The following SLC25A41 variants were observed in gnomAD, a reference collection of about 807,000 sequenced individuals.
The protein encoded by SLC25A41 is mitochondrial carrier protein SCaMC-3L.
A neutral mutation model predicts 34.7 loss-of-function variants in SLC25A41; 35 were observed. The ratio of observed to expected loss-of-function variants is 1.01; its 90% CI spans 0.77 to 1.34. SLC25A41 has a LOEUF of 1.34. Among genes scored for constraint, SLC25A41 ranks in the 40% most tolerant of loss-of-function variants. The pLI is 0.00. For synonymous variants in SLC25A41, 190 were observed against 209.9 expected (o/e 0.91, Z 0.82); for missense variants, 492 against 489.8 (o/e 1.00, Z -0.04).
Position 6,427,488 on chromosome 19 carries a change from C to A in SLC25A41, c.638G>T (p.Arg213Leu). Residue 213 changes from arginine (R) to leucine (L), a missense_variant, in exon 5 of 7, where the codon CGG becomes CTG. By Grantham distance (102) the Arg-to-Leu change is moderately radical. Coordinates refer to ENST00000321510, the MANE Select transcript of SLC25A41 (RefSeq NM_173637.4). The surrounding 1 kb of genome is among the most constrained non-coding windows in gnomAD (Gnocchi z 4.9). ...CTGGCCCGTCCGACGCAAGGTCAAC[C>A]GCGTCTTCAGCACCTGAGGATGGCG... is the stretch of plus-strand genomic sequence containing the variant. The part of the protein sequence containing the change: ...LINPMEVLKT[R>L]LTLRRTGQYK... 1 of 1,546,192 alleles carries A rather than the reference C, an allele frequency of 6.5e-7. No individual in the cohort carries two copies. Among genetic ancestry groups the A allele is most frequent in the Non-Finnish European group, 8.8e-7 (1 of 1,140,450 alleles).
Position 6,426,243 on chromosome 19 carries a change from G to C in SLC25A41, c.*146C>G. On this transcript the variant is annotated 3_prime_UTR_variant, in exon 7 of 7. Transcript: ENST00000321510. ...CCAGCTTCAGGAATCTTCTGACCCA[G>C]AGCCCCACCCCCACCCCCAGCCTGC... 5 of 573,250 alleles carry C rather than the reference G, an allele frequency of 8.7e-6. No individual in the cohort carries two copies. Among genetic ancestry groups the C allele is most frequent in the Admixed American group, 7.9e-5 (2 of 25,234 alleles). The allele number at this position is 573,250 out of a possible 1,614,324, so 35.5% of individuals were successfully genotyped here. A position where few individuals can be genotyped will look rare whatever the true frequency, so the allele number is the denominator to read the frequency against.
At chr19:6,432,502 T>A (rs1223137312) in intron 1 of SLC25A41, among the ~76,000 whole-genome samples, 1 of 110,748 alleles carries the variant, frequency 9.0e-6, no homozygotes, top group African/African-American at 3.3e-5. Context: ...TTTTTTTTTT[T>A]AGTAGAGATG....
In SLC25A41 at chr19:6,429,936, A is replaced by AT. The variant is rs2145144326; in HGVS notation, c.516+72_516+73insA. The AT allele has an allele frequency of 1.9e-6, 3 of 1,592,284 alleles. No homozygotes were observed. In the South Asian group the frequency reaches 3.4e-5, roughly 18 times the overall value. On this transcript the variant is annotated intron_variant, in intron 3 of 6. Coordinates refer to ENST00000321510, the MANE Select transcript of SLC25A41 (RefSeq NM_173637.4). ...CTGGAGGGTGAGTGTGTGCTTGAAC[A>AT]AGGGCCTGGAGTTTTGGGGGCATGG...
rs765657319 is a variant in SLC25A41, at chr19:6,433,545, T to C, written c.149A>G (p.Tyr50Cys). ...ATGCATGTGGCCAAACGCGTACCCATACACGTGTGTACAGCCAGGGTTCCA... is the reference window on the plus strand; with the variant it reads ...ATGCATGTGGCCAAACGCGTACCCACACACGTGTGTACAGCCAGGGTTCCA... Reference protein sequence around the residue: ...PSWNPGCTHVYGYAFGHMHDN... With the variant: ...PSWNPGCTHVCGYAFGHMHDN... Residue 50 changes from tyrosine (Y) to cysteine (C), a missense_variant, in exon 1 of 7, where the codon TAT becomes TGT. Tyr to Cys is a radical substitution (Grantham distance 194). Transcript: ENST00000321510. 1.2e-5 allele frequency: 19 copies of C among 1,612,488 alleles called. No homozygotes were observed. The Admixed American group carries it at 3.0e-4, about 26-fold the overall frequency.
chr19:6,432,966 C>G (rs1245734980), intron 1 of SLC25A41, among the ~76,000 whole-genome samples: 1 of 151,792 alleles, frequency 6.6e-6, no homozygotes, highest in Non-Finnish European at 1.5e-5. Flanking sequence ...CCACACCCAG[C>G]CAATGTAATA....
At position 6,427,321 on chromosome 19, in the gene SLC25A41, G is replaced by T. The variant is rs768516500; in HGVS notation, c.792+13C>A. 6.2e-7 allele frequency: 1 copy of T among 1,606,168 alleles called. No individual in the cohort carries two copies. The highest frequency in any genetic ancestry group is 8.5e-7 in the Non-Finnish European group (1 of 1,175,232). On this transcript the variant is annotated intron_variant, in intron 5 of 6. Transcript: ENST00000321510. This position sits in a 1 kb window ranked among gnomAD's most constrained non-coding sequence, Gnocchi z 4.9. ...TCCGGCCAGCCCTGCCACCCCCTCTGCAGGACCCATACCTCATAGACAGCC... is the reference window on the plus strand; with the variant it reads ...TCCGGCCAGCCCTGCCACCCCCTCTTCAGGACCCATACCTCATAGACAGCC...
In SLC25A41 at chr19:6,430,453, TTCCC is replaced by T. The variant is rs796541701; in HGVS notation, c.364-296_364-293del. 199 of 466,978 alleles carry T rather than the reference TTCCC, an allele frequency of 4.3e-4. 1 individual carries two copies. The highest frequency in any genetic ancestry group is 2.2e-3 in the African/African-American group (108 of 48,644). 28.9% of individuals were successfully genotyped at this position (466,978 alleles called of 1,614,324 possible). On this transcript the variant is annotated intron_variant, in intron 2 of 6. Transcript: ENST00000321510. Reference sequence around the variant, plus strand: ...CCTTTCCTTTCTTTCTCCCTTTTTGTTCCCTCCCTCCCTCCCTTCCTCCGTTCCT... The same window carrying T: ...CCTTTCCTTTCTTTCTCCCTTTTTGTTCCCTCCCTCCCTTCCTCCGTTCCT...
At chr19:6,429,588 C>T (rs1243135993) in intron 4 of SLC25A41, 136 bp downstream of exon 4, 44 of 375,272 alleles carry the variant, frequency 1.2e-4, no homozygotes, top group African/African-American at 2.4e-4. Context: ...AAGAGGTGAA[C>T]GGGGAGGAGG....
Position 6,426,508 on chromosome 19 carries a change from C to T in SLC25A41, c.994G>A (p.Ala332Thr). The change falls in exon 7 of 7, where the codon GCC becomes ACC. Residue 332 changes from alanine to threonine, a missense_variant. Physicochemically the swap from Ala to Thr is moderately conservative, Grantham distance 58. Coordinates refer to ENST00000321510, the MANE Select transcript of SLC25A41 (RefSeq NM_173637.4). Reference sequence around the variant, plus strand: ...TACAGCCCTAGCCAGCCCTGCTGGGCCAGGATCCGCTGGAGGACTCCGCGC... The same window carrying T: ...TACAGCCCTAGCCAGCCCTGCTGGGTCAGGATCCGCTGGAGGACTCCGCGC... ...TMRGVLQRIL[A>T]QQGWLGLYRG... The T allele has an allele frequency of 6.2e-7, 1 of 1,613,514 alleles. No individual in the cohort carries two copies. The highest frequency in any genetic ancestry group is 2.2e-5 in the East Asian group (1 of 44,882).
At position 6,429,187 on chromosome 19, in the gene SLC25A41, T is replaced by A. The variant is rs998986178; in HGVS notation, c.624+537A>T. 8.1e-4 allele frequency among the ~76,000 whole-genome samples: 50 copies of A among 61,492 alleles called. 1 individual carries two copies. Among genetic ancestry groups the A allele is most frequent in the South Asian group, 2.8e-3 (5 of 1,780 alleles). 40.3% of individuals were successfully genotyped at this position (61,492 alleles called of 152,430 possible). ...ATAATATATATATAATATATATATG[T>A]TATATATATAATATATATGTTGTAT... On this transcript the variant is annotated intron_variant, in intron 4 of 6. Coordinates refer to ENST00000321510, the MANE Select transcript of SLC25A41 (RefSeq NM_173637.4).
At chr19:6,433,937 AATT>A (rs1416714332), upstream of SLC25A41, among the ~76,000 whole-genome samples, 2 of 151,966 alleles carry the variant, frequency 1.3e-5, no homozygotes, top group East Asian at 1.9e-4. Context: ...GTCCTGTCAA[AATT>A]ATTATTATTA....
At chr19:6,432,711 T>A (rs2092291531) in intron 1 of SLC25A41, among the ~76,000 whole-genome samples, 1 of 151,418 alleles carries the variant, frequency 6.6e-6, no homozygotes, top group African/African-American at 2.4e-5. Flanking sequence ...GTGTCTCAGC[T>A]TCCCAAGTAG....
Position 6,432,473 on chromosome 19 carries a change from A to ATT in SLC25A41, c.208-271_208-270dup, listed in dbSNP as rs34519561. On this transcript the variant is annotated intron_variant, in intron 1 of 6. Coordinates refer to ENST00000321510, the MANE Select transcript of SLC25A41 (RefSeq NM_173637.4). ...TTATAGGCATGCACCACAACACCTA[A>ATT]TTTTTTTTTTTTTTTTTTTTTTTTT... 2.3e-3 allele frequency among the ~76,000 whole-genome samples: 188 copies of ATT among 80,988 alleles called. 2 individuals are homozygous for ATT. The highest frequency in any genetic ancestry group is 8.3e-3 in the African/African-American group (152 of 18,402). The allele number at this position is 80,988 out of a possible 152,430, so 53.1% of individuals were successfully genotyped here. A position where few individuals can be genotyped will look rare whatever the true frequency, so the allele number is the denominator to read the frequency against.
intron 4 of SLC25A41, among the ~76,000 whole-genome samples, chr19:6,429,048 ATTATATATATGTT>A (rs1288837822): frequency 7.9e-5 from 3 of 38,166 alleles, no homozygotes; most frequent in African/African-American, 1.7e-4. Context: ...TAATATATAT[ATTATATATATGTT>A]ATATATATAT....
intron 1 of SLC25A41, among the ~76,000 whole-genome samples, chr19:6,433,224 A>G (rs2092293649): frequency 6.6e-6 from 1 of 151,390 alleles, no homozygotes; most frequent in African/African-American, 2.4e-5. Flanking sequence ...AAGTTTTGTA[A>G]TTTTAGTAGA....
intron 2 of SLC25A41, among the ~76,000 whole-genome samples, chr19:6,431,281 G>A (rs925692474): frequency 6.7e-6 from 1 of 149,930 alleles, no homozygotes; most frequent in African/African-American, 2.5e-5. Context: ...CAGGGATCTC[G>A]CTCTGTCACC....
chr19:6,427,167 G>C lies in SLC25A41; in HGVS notation c.876C>G (p.Ser292=). ...GLVSLSSVTL[S]TTCGQMASYP... ...AGCTGGCCATCTGGCCACAGGTCGT[G>C]GATAGCGTCACAGACGACAGACTGA... Residue 292 remains serine (S), a synonymous_variant, in exon 6 of 7, where the codon TCC becomes TCG. Transcript: ENST00000321510. This position sits in a 1 kb window ranked among gnomAD's most constrained non-coding sequence, Gnocchi z 4.9. 1.9e-6 allele frequency: 3 copies of C among 1,611,698 alleles called. No individual in the cohort carries two copies. The highest frequency in any genetic ancestry group is 2.5e-6 in the Non-Finnish European group (3 of 1,179,406).
rs1200734713 is a variant in SLC25A41 at position 6,429,105 on chromosome 19, A to G, written c.624+619T>C. 9.9e-4 allele frequency among the ~76,000 whole-genome samples: 50 copies of G among 50,302 alleles called. 10 individuals are homozygous for G. Among genetic ancestry groups the G allele is most frequent in the Admixed American group, 5.1e-3 (10 of 1,962 alleles). The allele number at this position is 50,302 out of a possible 152,430, so 33.0% of individuals were successfully genotyped here. ...TATATTATATATATGTTACATATAT[A>G]TATAATATATATATTATATATATGT... On this transcript the variant is annotated intron_variant, in intron 4 of 6. Coordinates refer to ENST00000321510, the MANE Select transcript of SLC25A41 (RefSeq NM_173637.4).
intron 4 of SLC25A41, among the ~76,000 whole-genome samples, chr19:6,429,340 G>A (rs1021233885): frequency 1.5e-5 from 2 of 129,630 alleles, no homozygotes; most frequent in Non-Finnish European, 1.6e-5. Context: ...GGTAAAGGGG[G>A]AAGAGGGAGA....
Sources: allele counts gnomAD v4.1 joint callset (sites outside exome capture counted in the v4.1 genomes callset), GRCh38; gene constraint gnomAD v4.1.1; non-coding constraint Gnocchi (gnomAD v3.1); transcripts MANE v1.5; gene names NCBI Gene and HGNC (gene_info 2026-07-23, HGNC 2026-07-21).